Variants in SUMF1 observed in about 807,000 individuals in gnomAD.
SUMF1 encodes sulfatase modifying factor 1, also known as formylglycine-generating enzyme.
SUMF1 carries 48 observed loss-of-function variants against 47.6 expected under a neutral mutation model. That is an observed-to-expected ratio of 1.01 (90% CI 0.80 to 1.28). The LOEUF (loss-of-function observed/expected upper bound fraction) is 1.28, where lower values mean the gene tolerates loss of function less well. Ranked by LOEUF, SUMF1 falls within the 50% of genes most tolerant of loss-of-function variation. SUMF1 has a pLI of 0.00. For missense variants in SUMF1, 571 were observed against 485.4 expected (o/e 1.18, Z -1.66); for synonymous variants, 230 against 192.1 (o/e 1.20, Z -1.63).
chr3:4,371,466 G>C (rs1700164795), intron 8 of SUMF1, among the ~76,000 whole-genome samples: 1 of 152,166 alleles, frequency 6.6e-6, no homozygotes, highest in African/African-American at 2.4e-5. Context: ...TTGGTACAAA[G>C]GGCATTTTAA....
Position 4,151,383 on chromosome 3 carries a change from ATATATGTATATATATG to A in SUMF1, c.1015-82654_1015-82639del, listed in dbSNP as rs1376422474. ...AATATATATATATACATGTGTGTAT[ATATATGTATATATATG>A]TATATGTATATATGTATATATGTGT... On this transcript the variant is annotated intron_variant and NMD_transcript_variant, in intron 8 of 12. Coordinates refer to the SUMF1 transcript ENST00000448413. Among the ~76,000 whole-genome samples, 5 of 102,770 alleles carry A rather than the reference ATATATGTATATATATG, an allele frequency of 4.9e-5. No homozygotes were observed. The South Asian group carries it at 8.2e-4, about 17-fold the overall frequency. The allele number at this position is 102,770 out of a possible 152,430, so 67.4% of individuals were successfully genotyped here.
At chr3:4,162,498 G>A (rs1325092805) in intron 8 of SUMF1, among the ~76,000 whole-genome samples, 1 of 152,164 alleles carries the variant, frequency 6.6e-6, no homozygotes, top group African/African-American at 2.4e-5. Context: ...TTGCTGAGAT[G>A]GGTAATGCCC....
rs78010101 is a variant in SUMF1 at position 4,462,184 on chromosome 3, C to T, written c.270+4792G>A. ...TAAGTGGCCCAGGGGTACTGGATGA[C>T]TCTATCCTACTTCCCAACCCCCACC... On this transcript the variant is annotated intron_variant, in intron 1 of 8. Coordinates refer to ENST00000272902, the MANE Select transcript of SUMF1 (RefSeq NM_182760.4). Among the ~76,000 whole-genome samples, 91 of 152,312 alleles carry T rather than the reference C, an allele frequency of 6.0e-4. 1 individual carries two copies. In the East Asian group the frequency reaches 0.015, roughly 25 times the overall value.
chr3:4,201,846 G>A (rs570792195), intron 8 of SUMF1, among the ~76,000 whole-genome samples: 1 of 152,064 alleles, frequency 6.6e-6, no homozygotes, highest in South Asian at 2.1e-4. Context: ...ATATCCCATT[G>A]TAATTTTAAT....
intron 8 of SUMF1, among the ~76,000 whole-genome samples, chr3:4,302,141 G>C (rs564391820): frequency 1.3e-5 from 2 of 152,174 alleles, no homozygotes; most frequent in African/African-American, 2.4e-5. Flanking sequence ...AATTTAGAAA[G>C]TTTATTTTCC....
intron 8 of SUMF1, among the ~76,000 whole-genome samples, chr3:4,093,906 T>A (rs926670274): frequency 4.6e-5 from 7 of 152,094 alleles, no homozygotes. Flanking sequence ...AGAGAGGGGA[T>A]AAATATTAAA....
chr3:4,077,652 G>C (rs1387000068), intron 8 of SUMF1, among the ~76,000 whole-genome samples: 2 of 152,028 alleles, frequency 1.3e-5, no homozygotes, highest in Non-Finnish European at 2.9e-5. Flanking sequence ...ACCAGGGCCT[G>C]TCATCGGGTT....
At chr3:4,384,766 G>A (rs1700617232) in intron 7 of SUMF1, among the ~76,000 whole-genome samples, 1 of 152,060 alleles carries the variant, frequency 6.6e-6, no homozygotes, top group South Asian at 2.1e-4. Flanking sequence ...AGTTTTTTTG[G>A]CTATTACGAA....
intron 8 of SUMF1, among the ~76,000 whole-genome samples, chr3:4,217,386 G>A (rs1695948714): frequency 6.8e-6 from 1 of 147,638 alleles, no homozygotes; most frequent in Non-Finnish European, 1.5e-5. Flanking sequence ...TTAGGGGAGG[G>A]ATAACATTAG....
chr3:4,084,537 T>C (rs1297589275), intron 8 of SUMF1, among the ~76,000 whole-genome samples: 4 of 152,024 alleles, frequency 2.6e-5, no homozygotes, highest in Non-Finnish European at 5.9e-5. Context: ...ACTTGATTAG[T>C]AAGAACCAAA....
intron 8 of SUMF1, among the ~76,000 whole-genome samples, chr3:4,308,779 C>T (rs1243266838): frequency 6.6e-6 from 1 of 152,204 alleles, no homozygotes; most frequent in Non-Finnish European, 1.5e-5. Context: ...AGTCTAACCT[C>T]CTAATTGAAG....
At chr3:4,275,558 C>T (rs1697395470) in intron 8 of SUMF1, among the ~76,000 whole-genome samples, 2 of 152,166 alleles carry the variant, frequency 1.3e-5, no homozygotes, top group Admixed American at 6.5e-5. Flanking sequence ...GAACAAGACA[C>T]ATGTCACTCC....
intron 8 of SUMF1, among the ~76,000 whole-genome samples, chr3:4,367,523 A>G (rs9858430): frequency 0.97 from 146,426 of 151,098 alleles, 71,160 homozygotes; most frequent in Non-Finnish European, 0.99. Flanking sequence ...AGCCCGCATC[A>G]CCAAGTCAAT....
intron 8 of SUMF1, among the ~76,000 whole-genome samples, chr3:4,135,964 T>C (rs567040530): frequency 6.6e-6 from 1 of 151,938 alleles, no homozygotes; most frequent in Non-Finnish European, 1.5e-5. Context: ...CACTGCTCAA[T>C]GAAATAAAAG....
rs149017899 is a variant in SUMF1, at chr3:4,061,755, T to G, written c.1191+6814A>C. Among the ~76,000 whole-genome samples, 735 of 152,174 alleles carry G rather than the reference T, an allele frequency of 4.8e-3. 9 individuals carry two copies. The highest frequency in any genetic ancestry group is 0.017 in the African/African-American group (711 of 41,518). Reference sequence around the variant, plus strand: ...TCTTATTAGAACATGGGTTGAACAGTTGACAGCCTGTGACAGGCTAAAACT... The same window carrying G: ...TCTTATTAGAACATGGGTTGAACAGGTGACAGCCTGTGACAGGCTAAAACT... On this transcript the variant is annotated intron_variant and NMD_transcript_variant, in intron 9 of 12. Transcript: ENST00000448413.
At chr3:4,369,956 T>C (rs926865283) in intron 8 of SUMF1, among the ~76,000 whole-genome samples, 12 of 152,134 alleles carry the variant, frequency 7.9e-5, no homozygotes, top group African/African-American at 2.9e-4. Flanking sequence ...CTATTTTAGG[T>C]ATGACGGATA....
chr3:4,388,937 C>T (rs1700761413), intron 7 of SUMF1, among the ~76,000 whole-genome samples: 2 of 152,072 alleles, frequency 1.3e-5, no homozygotes, highest in South Asian at 2.1e-4. Flanking sequence ...CCTTTAAATA[C>T]ATTTAGAACC....
At chr3:4,067,726 T>G (rs1031447099) in intron 9 of SUMF1, among the ~76,000 whole-genome samples, 1 of 152,126 alleles carries the variant, frequency 6.6e-6, no homozygotes, top group Non-Finnish European at 1.5e-5. Context: ...CATATACTTT[T>G]CTCCCAGAAT....
intron 8 of SUMF1, among the ~76,000 whole-genome samples, chr3:4,132,718 T>C (rs1693821422): frequency 6.6e-6 from 1 of 152,084 alleles, no homozygotes; most frequent in Admixed American, 6.6e-5. Context: ...CACTTTGGGC[T>C]CCTCCGACCT....
Sources: gnomAD v4.1 joint callset for allele counts (sites outside exome capture counted in the v4.1 genomes callset) on GRCh38, gnomAD v4.1.1 for gene constraint, MANE v1.5 for transcripts, NCBI Gene and HGNC (gene_info 2026-07-23, HGNC 2026-07-21) for gene names.